The following KLF16 variants were observed in gnomAD, a reference collection of about 807,000 sequenced individuals.
KLF16 encodes the protein KLF transcription factor 16, also known as Krueppel-like factor 16.
Under a neutral mutation model 6.1 loss-of-function variants are expected in KLF16, and 6 were observed. The observed-to-expected ratio is 0.98, with a 90% confidence interval of 0.54 to 1.93. The LOEUF is 1.93. KLF16 is among the 30% of genes most tolerant of loss of function. The pLI, the probability that KLF16 is intolerant of heterozygous loss-of-function variation, is 0.01. For missense variants in KLF16, 355 were observed against 363.8 expected, an observed-to-expected ratio of 0.98 and a Z score of 0.20; for synonymous variants, 211 against 176.5, an observed-to-expected ratio of 1.20 and a Z score of -1.55.
intron 1 of KLF16, among the ~76,000 whole-genome samples, chr19:1,855,622 G>A (rs1208939945): frequency 1.3e-5 from 2 of 152,248 alleles, no homozygotes; most frequent in African/African-American, 2.4e-5. Flanking sequence ...GCGCCTCCAG[G>A]CGGTGTGGGT....
chr19:1,868,754 A>G, the KLF16 span, among the ~76,000 whole-genome samples: 2 of 149,858 alleles, frequency 1.3e-5, no homozygotes, highest in Admixed American at 6.7e-5. Flanking sequence ...GCAATTCTCC[A>G]GCCTTGGCTT....
chr19:1,871,020 G>A, the KLF16 span, among the ~76,000 whole-genome samples: 12 of 152,238 alleles, frequency 7.9e-5, no homozygotes, highest in Admixed American at 5.2e-4. Context: ...AGAAAGATCC[G>A]TAAGGAAAGA....
the KLF16 span, among the ~76,000 whole-genome samples, chr19:1,874,312 GA>G: frequency 1.3e-5 from 2 of 152,280 alleles, no homozygotes; most frequent in East Asian, 3.9e-4. Flanking sequence ...GGAAAACTGG[GA>G]TAAGAGTCTA....
chr19:1,868,095 C>A (rs2012216714), upstream of KLF16, among the ~76,000 whole-genome samples: 1 of 152,098 alleles, frequency 6.6e-6, no homozygotes, highest in South Asian at 2.1e-4. Flanking sequence ...TACTACATGC[C>A]TCTGAATGTC....
intron 1 of KLF16, 52 bp downstream of exon 1, chr19:1,862,989 A>G (rs923998589): frequency 1.5e-5 from 16 of 1,095,484 alleles, no homozygotes; most frequent in African/African-American, 1.7e-5. Context: ...CTGGCGGGGG[A>G]GGGGTCTCAG....
chr19:1,867,598 G>T (rs2012208153), upstream of KLF16, among the ~76,000 whole-genome samples: 1 of 152,194 alleles, frequency 6.6e-6, no homozygotes, highest in African/African-American at 2.4e-5. Context: ...GGGTGTGGTG[G>T]CTGATGCCTG....
intron 1 of KLF16, among the ~76,000 whole-genome samples, chr19:1,856,461 C>T (rs2011951802): frequency 6.6e-6 from 1 of 152,194 alleles, no homozygotes; most frequent in East Asian, 1.9e-4. Context: ...GGTTGTGAAT[C>T]CAGGCAGCTG....
At chr19:1,858,050 T>C (rs2011989918) in intron 1 of KLF16, among the ~76,000 whole-genome samples, 1 of 148,164 alleles carries the variant, frequency 6.7e-6, no homozygotes, top group Admixed American at 6.7e-5. Context: ...GCTTCCTTCC[T>C]CCCCCATCCC....
chr19:1,862,352 G>A (rs1225114295), intron 1 of KLF16, among the ~76,000 whole-genome samples: 1 of 152,212 alleles, frequency 6.6e-6, no homozygotes, highest in Non-Finnish European at 1.5e-5. Flanking sequence ...CGCCCGCCAG[G>A]TAGGGGTGAA....
chr19:1,872,618 T>C, the KLF16 span, among the ~76,000 whole-genome samples: 1 of 152,290 alleles, frequency 6.6e-6, no homozygotes, highest in Admixed American at 6.5e-5. Flanking sequence ...GGGGAGAGAA[T>C]AGGCTCTGGT....
upstream of KLF16, among the ~76,000 whole-genome samples, chr19:1,863,814 G>A (rs1036966321): frequency 2.8e-5 from 4 of 144,102 alleles, no homozygotes; most frequent in African/African-American, 7.5e-5. Context: ...GCTCGGGCCG[G>A]AGGAACCCGC....
At chr19:1,868,742 A>C in the KLF16 span, among the ~76,000 whole-genome samples, 5 of 150,832 alleles carry the variant, frequency 3.3e-5, no homozygotes, top group South Asian at 1.0e-3. Flanking sequence ...TCCTGGGTTC[A>C]AGCAATTCTC....
At chr19:1,867,665 A>G (rs2012208895), upstream of KLF16, among the ~76,000 whole-genome samples, 2 of 152,182 alleles carry the variant, frequency 1.3e-5, no homozygotes, top group Admixed American at 1.3e-4. Context: ...CAGGAGTTCA[A>G]GAACAGCCTG....
In KLF16 at chr19:1,854,819, A is replaced by T; in HGVS notation, c.458-59T>A. 12 of 1,554,228 alleles carry T rather than the reference A, an allele frequency of 7.7e-6. No individual in the cohort carries two copies. The South Asian group carries it at 1.4e-4, about 17-fold the overall frequency. The stretch of plus-strand genomic sequence containing the variant: ...GCGGGGGCGGGGGGAGATGACAGAC[A>T]CGTTCCAGCAGATCCCAAAGGGTGG... On this transcript the variant is annotated intron_variant, in intron 1 of 1. Transcript: ENST00000250916.
At chr19:1,876,022 G>A in the KLF16 span, 1 of 152,318 alleles carries the variant, frequency 6.6e-6, no homozygotes, top group African/African-American at 2.4e-5. Context: ...CGAGGAACTC[G>A]AGGCCGAGGG....
upstream of KLF16, among the ~76,000 whole-genome samples, chr19:1,868,461 C>CATTA (rs1201045094): frequency 2.7e-5 from 3 of 110,044 alleles, no homozygotes; most frequent in Admixed American, 9.1e-5. Context: ...CAGATTAGGG[C>CATTA]TTTTTTTTTT....
intron 1 of KLF16, among the ~76,000 whole-genome samples, chr19:1,855,406 A>C (rs1176469087): frequency 1.3e-5 from 2 of 152,114 alleles, no homozygotes; most frequent in East Asian, 3.9e-4. Flanking sequence ...GACAGGCAGG[A>C]AAGCTCACAG....
At position 1,853,320 on chromosome 19, in the gene KLF16, G is replaced by A. The variant is rs2011874531; in HGVS notation, c.*1139C>T. On this transcript the variant is annotated 3_prime_UTR_variant, in exon 2 of 2. Transcript: ENST00000250916. Reference sequence around the variant, plus strand: ...GCAAAAAAAACGAGCTACCCCAGGAGGCTGCACAGCCAGCCCTCTGCTTCC... The same window carrying A: ...GCAAAAAAAACGAGCTACCCCAGGAAGCTGCACAGCCAGCCCTCTGCTTCC... 6.6e-6 allele frequency: 1 copy of A among 152,362 alleles called. No homozygotes were observed. Among genetic ancestry groups the A allele is most frequent in the South Asian group, 2.1e-4 (1 of 4,846 alleles). The allele number at this position is 152,362 out of a possible 1,614,324, so 9.4% of individuals were successfully genotyped here. A position where few individuals can be genotyped will look rare whatever the true frequency, so the allele number is the denominator to read the frequency against.
the KLF16 span, among the ~76,000 whole-genome samples, chr19:1,868,853 G>A: frequency 7.2e-5 from 11 of 151,898 alleles, no homozygotes; most frequent in Non-Finnish European, 1.6e-4. Flanking sequence ...ATGTTGACCG[G>A]GCTGGTCTTG....
Sources: gnomAD v4.1 joint callset for allele counts (sites outside exome capture counted in the v4.1 genomes callset) on GRCh38, gnomAD v4.1.1 for gene constraint, MANE v1.5 for transcripts, NCBI Gene and HGNC (gene_info 2026-07-23, HGNC 2026-07-21) for gene names.